The following PXK variants were observed in gnomAD, a reference collection of about 807,000 sequenced individuals.
The protein encoded by PXK is PX domain containing serine/threonine kinase like.
PXK carries 35 observed loss-of-function variants against 84.7 expected under a neutral mutation model. The ratio of observed to expected loss-of-function variants is 0.41; its 90% CI spans 0.32 to 0.55. The LOEUF (loss-of-function observed/expected upper bound fraction) is 0.55, where lower values mean the gene tolerates loss of function less well. Ranked by LOEUF, PXK falls within the 20% of genes least tolerant of loss-of-function variation. The pLI is 0.21. For missense variants in PXK, 634 were observed against 699.7 expected (o/e 0.91, Z 1.06); for synonymous variants, 253 against 260.8 (o/e 0.97, Z 0.29).
chr3:58,373,370 T>C (rs185396657), intron 3 of PXK, among the ~76,000 whole-genome samples: 119 of 152,260 alleles, frequency 7.8e-4, no homozygotes, highest in Non-Finnish European at 1.3e-3. Context: ...CCACAGCGCC[T>C]GGCCGAGTCC....
intron 3 of PXK, among the ~76,000 whole-genome samples, chr3:58,380,287 G>C (rs562654402): frequency 9.9e-5 from 15 of 152,092 alleles, no homozygotes; most frequent in Non-Finnish European, 2.1e-4. Flanking sequence ...ATTATGATTA[G>C]CTGTGTGTGG....
intron 1 of PXK, among the ~76,000 whole-genome samples, chr3:58,359,476 AGCCGAGATC>A (rs1163311308): frequency 2.6e-5 from 4 of 151,084 alleles, no homozygotes; most frequent in African/African-American, 9.8e-5. Flanking sequence ...GGTTGCAGTG[AGCCGAGATC>A]GCGCCACTGC....
chr3:58,389,137 T>C (rs1368850241), intron 4 of PXK, among the ~76,000 whole-genome samples: 2 of 152,192 alleles, frequency 1.3e-5, no homozygotes, highest in Non-Finnish European at 2.9e-5. Flanking sequence ...GGGGAAACAT[T>C]TTCATGATAA....
In PXK at chr3:58,397,874, G is replaced by C; in HGVS notation, c.1102+152G>C. 1 of 631,720 alleles carries C rather than the reference G, an allele frequency of 1.6e-6. No individual in the cohort carries two copies. The highest frequency in any genetic ancestry group is 2.7e-6 in the Non-Finnish European group (1 of 363,690). The allele number at this position is 631,720 out of a possible 1,614,324, so 39.1% of individuals were successfully genotyped here. On this transcript the variant is annotated intron_variant, in intron 11 of 17. Coordinates refer to ENST00000356151, the MANE Select transcript of PXK (RefSeq NM_017771.5). The surrounding 1 kb of genome is among the most constrained non-coding windows in gnomAD (Gnocchi z 4.7). ...TTTAAAAGTAGACCAAATTTGAGTA[G>C]TTTACTTAAATACACTTCTGTGAAA...
chr3:58,350,991 A>G (rs1274220214), intron 1 of PXK, among the ~76,000 whole-genome samples: 1 of 152,172 alleles, frequency 6.6e-6, no homozygotes, highest in African/African-American at 2.4e-5. Flanking sequence ...CTCCCACTAA[A>G]TGCTTTAGCA....
At chr3:58,365,830 A>G (rs2098261618) in intron 1 of PXK, 44 bp from the exon 2 acceptor site, 4 of 1,397,886 alleles carry the variant, frequency 2.9e-6, no homozygotes, top group African/African-American at 3.0e-5. Context: ...TGGGAATCAA[A>G]CTCAGTTTTA....
chr3:58,371,643 C>T (rs2098372782), intron 3 of PXK, among the ~76,000 whole-genome samples: 1 of 152,110 alleles, frequency 6.6e-6, no homozygotes, highest in Non-Finnish European at 1.5e-5. Flanking sequence ...TTTACTCATA[C>T]TTTGGGGTGA....
At position 58,409,506 on chromosome 3, in the gene PXK, T is replaced by G; in HGVS notation, c.1309-26T>G. 3 of 1,596,246 alleles carry G rather than the reference T, an allele frequency of 1.9e-6. No individual in the cohort carries two copies. The African/African-American group carries it at 4.0e-5, about 21-fold the overall frequency. On this transcript the variant is annotated intron_variant, in intron 14 of 17. Transcript: ENST00000356151. The surrounding 1 kb of genome is among the most constrained non-coding windows in gnomAD (Gnocchi z 4.2). Reference sequence around the variant, plus strand: ...TTAGGAAGCTGCCTTATGTGGGATATGCTTACATCTTATGGTCTTTTAAAG... The same window carrying G: ...TTAGGAAGCTGCCTTATGTGGGATAGGCTTACATCTTATGGTCTTTTAAAG...
At chr3:58,339,008 A>G (rs1003444433) in intron 1 of PXK, among the ~76,000 whole-genome samples, 1 of 152,108 alleles carries the variant, frequency 6.6e-6, no homozygotes, top group African/African-American at 2.4e-5. Flanking sequence ...CACACATTAT[A>G]ATAAAATATA....
chr3:58,399,929 T>C lies in PXK; in HGVS notation c.1181+552T>C, dbSNP rs2058307436. 6.6e-6 allele frequency among the ~76,000 whole-genome samples: 1 copy of C among 152,044 alleles called. No homozygotes were observed. The highest frequency in any genetic ancestry group is 2.4e-5 in the African/African-American group (1 of 41,392). ...GTCTTGGAGCTCAGAAGACATTTTC[T>C]CTGAAACTGGATTATGAGTAGATAA... On this transcript the variant is annotated intron_variant, in intron 12 of 17. Coordinates refer to ENST00000356151, the MANE Select transcript of PXK (RefSeq NM_017771.5). The surrounding 1 kb of genome is among the most constrained non-coding windows in gnomAD (Gnocchi z 4.3).
rs191830396 is a variant in PXK at position 58,352,186 on chromosome 3, A to T, written c.103-13688A>T. Among the ~76,000 whole-genome samples, 6 of 152,258 alleles carry T rather than the reference A, an allele frequency of 3.9e-5. No homozygotes were observed. The East Asian group carries it at 1.2e-3, about 29-fold the overall frequency. ...CATTGTGGCTGATCATGACACAGTGACCAGCTCCTCCTTCAGGTTCCAGAA... is the reference window on the plus strand; with the variant it reads ...CATTGTGGCTGATCATGACACAGTGTCCAGCTCCTCCTTCAGGTTCCAGAA... On this transcript the variant is annotated intron_variant, in intron 1 of 17. Transcript: ENST00000356151.
intron 1 of PXK, among the ~76,000 whole-genome samples, chr3:58,334,676 C>G (rs138648775): frequency 5.4e-4 from 82 of 152,290 alleles, no homozygotes; most frequent in African/African-American, 1.8e-3. Flanking sequence ...CCTGTAATTA[C>G]TTCTTTACTT....
At position 58,412,637 on chromosome 3, in the gene PXK, CAA is replaced by C. The variant is rs2060372333; in HGVS notation, c.1466-262_1466-261del. On this transcript the variant is annotated intron_variant, in intron 16 of 17. Coordinates refer to ENST00000356151, the MANE Select transcript of PXK (RefSeq NM_017771.5). This position sits in a 1 kb window ranked among gnomAD's most constrained non-coding sequence, Gnocchi z 6.2. ...CCAATTGCCTAAGCTGTTGATGGTGCAAAGTTTCAAACCAGGCAGGCCATGGG... is the reference window on the plus strand; with the variant it reads ...CCAATTGCCTAAGCTGTTGATGGTGCAGTTTCAAACCAGGCAGGCCATGGG... Among the ~76,000 whole-genome samples the C allele has an allele frequency of 6.6e-6, 1 of 152,136 alleles. No homozygotes were observed. Among genetic ancestry groups the C allele is most frequent in the Non-Finnish European group, 1.5e-5 (1 of 68,034 alleles).
chr3:58,360,826 C>T (rs910386088), intron 1 of PXK, among the ~76,000 whole-genome samples: 6 of 144,982 alleles, frequency 4.1e-5, no homozygotes, highest in Non-Finnish European at 3.0e-5. Flanking sequence ...AGTGAGACCC[C>T]GACTGAAAAA....
In PXK at chr3:58,378,116, C is replaced by T. The variant is rs368063509; in HGVS notation, c.202-4398C>T. On this transcript the variant is annotated intron_variant, in intron 3 of 17. Transcript: ENST00000356151. ...GTCTTTAGGCTGGGGTATGCAGGCA[C>T]ATTTGAAAACATGTACGTACTATAC... 3.9e-5 allele frequency among the ~76,000 whole-genome samples: 6 copies of T among 152,296 alleles called. No individual in the cohort carries two copies. In the South Asian group the frequency reaches 8.3e-4, roughly 21 times the overall value.
chr3:58,355,163 C>T (rs1192749408), intron 1 of PXK, among the ~76,000 whole-genome samples: 1 of 151,806 alleles, frequency 6.6e-6, no homozygotes, highest in African/African-American at 2.4e-5. Context: ...ACAGAAGACC[C>T]GCTAATGCCT....
chr3:58,403,834 G>T lies in PXK; in HGVS notation c.1182-28G>T, dbSNP rs201307439. The T allele has an allele frequency of 1.3e-5, 19 of 1,492,956 alleles. No individual in the cohort carries two copies. In the African/African-American group the frequency reaches 2.5e-4, roughly 19 times the overall value. The allele number at this position is 1,492,956 out of a possible 1,614,324, so 92.5% of individuals were successfully genotyped here. A position where few individuals can be genotyped will look rare whatever the true frequency, so the allele number is the denominator to read the frequency against. On this transcript the variant is annotated intron_variant, in intron 12 of 17. Coordinates refer to ENST00000356151, the MANE Select transcript of PXK (RefSeq NM_017771.5). ...CTGAGAGTGCACGTGGTTCAAGAAA[G>T]ATTTTTGTTTGTTTCTTTTCTTTAC...
At chr3:58,418,565 T>A (rs980120366) in intron 17 of PXK, among the ~76,000 whole-genome samples, 1 of 152,212 alleles carries the variant, frequency 6.6e-6, no homozygotes, top group Non-Finnish European at 1.5e-5. Context: ...GAGTCCTAGC[T>A]CTGCCACATT....
At position 58,344,291 on chromosome 3, in the gene PXK, A is replaced by T. The variant is rs79273243; in HGVS notation, c.102+11201A>T. 2.5e-3 allele frequency among the ~76,000 whole-genome samples: 380 copies of T among 152,346 alleles called. 3 individuals are homozygous for T. The highest frequency in any genetic ancestry group is 8.8e-3 in the African/African-American group (366 of 41,568). ...CTTAGTGCTTTTTTGGCATTCAAAT[A>T]TATGTTTTGAATGGGAAAAGGAAAA... is the stretch of plus-strand genomic sequence containing the variant. On this transcript the variant is annotated intron_variant, in intron 1 of 17. Transcript: ENST00000356151.
Sources: gnomAD v4.1 joint callset for allele counts (sites outside exome capture counted in the v4.1 genomes callset) on GRCh38, gnomAD v4.1.1 for gene constraint, Gnocchi (gnomAD v3.1) non-coding constraint, MANE v1.5 for transcripts, NCBI Gene and HGNC (gene_info 2026-07-23, HGNC 2026-07-21) for gene names.